The following HECW1 variants were observed in gnomAD, a reference collection of about 807,000 sequenced individuals.
HECW1 encodes HECT, C2 and WW domain containing E3 ubiquitin protein ligase 1.
A neutral mutation model predicts 182.3 loss-of-function variants in HECW1; 61 were observed. The ratio of observed to expected loss-of-function variants is 0.33; its 90% CI spans 0.27 to 0.41. The LOEUF (loss-of-function observed/expected upper bound fraction) is 0.41. Ranked by LOEUF, HECW1 falls within the 10% of genes least tolerant of loss-of-function variation. HECW1 has a pLI of 1.00. For missense variants in HECW1, 1,739 were observed against 2,108.9 expected (o/e 0.82, Z 3.44); for synonymous variants, 859 against 832.6 (o/e 1.03, Z -0.55).
intron 2 of HECW1, among the ~76,000 whole-genome samples, chr7:43,131,181 G>T (rs758089747): frequency 5.9e-5 from 9 of 152,190 alleles, no homozygotes; most frequent in Non-Finnish European, 8.8e-5. Context: ...CAGGAGAATT[G>T]CTTGAACCCA....
intron 9 of HECW1, 161 bp downstream of exon 9, chr7:43,438,306 A>C: frequency 1.7e-6 from 1 of 590,316 alleles, no homozygotes; most frequent in Non-Finnish European, 2.9e-6. Context: ...GAGCCAACAT[A>C]AGTGTTTGTT....
At chr7:43,299,923 A>G (rs1056971121) in intron 3 of HECW1, among the ~76,000 whole-genome samples, 3 of 152,212 alleles carry the variant, frequency 2.0e-5, no homozygotes, top group African/African-American at 4.8e-5. Flanking sequence ...TATGCCACTC[A>G]TCTAGGTCAC....
chr7:43,440,086 G>GGACAC (rs147443047), intron 9 of HECW1: 23,384 of 152,294 alleles, frequency 0.15, 1,960 homozygotes, highest in Middle Eastern at 0.23. Flanking sequence ...TCCCACCGTG[G>GGACAC]TTAGGAGCAG....
intron 2 of HECW1, among the ~76,000 whole-genome samples, chr7:43,213,439 A>ATTT (rs35199868): frequency 6.4e-4 from 59 of 92,468 alleles, no homozygotes; most frequent in Non-Finnish European, 7.1e-4. Context: ...GATCATAAGA[A>ATTT]TTTTTTTTTT....
rs1475922469 is a variant in HECW1, at chr7:43,432,375, G to A, written c.802-5628G>A. 6.6e-6 allele frequency among the ~76,000 whole-genome samples: 1 copy of A among 151,926 alleles called. No individual in the cohort carries two copies. The highest frequency in any genetic ancestry group is 1.5e-5 in the Non-Finnish European group (1 of 67,964). On this transcript the variant is annotated intron_variant, in intron 8 of 29. Transcript: ENST00000395891. The surrounding 1 kb of genome is among the most constrained non-coding windows in gnomAD (Gnocchi z 4.1). Reference sequence around the variant, plus strand: ...GGGATGGTCTCGATCTCCTGACCTCGTGATCCGCCCGCCTCGGCCTCCCAA... The same window carrying A: ...GGGATGGTCTCGATCTCCTGACCTCATGATCCGCCCGCCTCGGCCTCCCAA...
Position 43,129,022 on chromosome 7 carries a change from A to T in HECW1, c.-32+14631A>T, listed in dbSNP as rs370215055. ...TTCTTATGGATGAGCAAGGAAAGTG[A>T]TTTCTTGAGATGAAATCTATTCCTG... On this transcript the variant is annotated intron_variant, in intron 2 of 29. Transcript: ENST00000395891. Among the ~76,000 whole-genome samples the T allele has an allele frequency of 1.2e-3, 185 of 152,322 alleles. 1 individual carries two copies. Among genetic ancestry groups the T allele is most frequent in the African/African-American group, 4.3e-3 (177 of 41,576 alleles).
intron 28 of HECW1, among the ~76,000 whole-genome samples, chr7:43,553,162 GTT>G (rs1462144891): frequency 6.6e-6 from 1 of 152,114 alleles, no homozygotes; most frequent in African/African-American, 2.4e-5. Context: ...CTGAAACATT[GTT>G]TTCATCAGGC....
intron 4 of HECW1, among the ~76,000 whole-genome samples, chr7:43,318,206 C>T (rs182846079): frequency 6.6e-6 from 1 of 152,254 alleles, no homozygotes; most frequent in East Asian, 1.9e-4. Context: ...TGGAGAAATT[C>T]GGGGAAATAC....
chr7:43,488,476 G>GAAAGA (rs1563046575), intron 17 of HECW1, among the ~76,000 whole-genome samples: 1 of 147,506 alleles, frequency 6.8e-6, no homozygotes, highest in Admixed American at 6.7e-5. Context: ...AAGAAAGAAA[G>GAAAGA]AAAGAAAGAA....
intron 5 of HECW1, among the ~76,000 whole-genome samples, chr7:43,358,166 T>C (rs1013471470): frequency 2.6e-5 from 4 of 152,190 alleles, no homozygotes; most frequent in South Asian, 2.1e-4. Flanking sequence ...CCCTCCATGC[T>C]GATCCCACCG....
chr7:43,459,534 G>T (rs984174117), intron 13 of HECW1, among the ~76,000 whole-genome samples: 2 of 151,654 alleles, frequency 1.3e-5, no homozygotes, highest in African/African-American at 4.8e-5. Flanking sequence ...CTACCCCAAG[G>T]ATGATTTAGT....
At chr7:43,289,066 A>G (rs1265922013) in intron 3 of HECW1, among the ~76,000 whole-genome samples, 2 of 151,280 alleles carry the variant, frequency 1.3e-5, no homozygotes, top group African/African-American at 4.9e-5. Flanking sequence ...ATTCCCATCC[A>G]GTGAAAGAAT....
chr7:43,385,897 T>A lies in HECW1; in HGVS notation c.556-10917T>A, dbSNP rs569593012. ...ATGGCTGGATTCTCTGCTCAGTCTATTGCAAGGTAAAATACCTGAAATCAA... is the reference window on the plus strand; with the variant it reads ...ATGGCTGGATTCTCTGCTCAGTCTAATGCAAGGTAAAATACCTGAAATCAA... On this transcript the variant is annotated intron_variant, in intron 6 of 29. Coordinates refer to ENST00000395891, the MANE Select transcript of HECW1 (RefSeq NM_015052.5). 2.0e-5 allele frequency among the ~76,000 whole-genome samples: 3 copies of A among 152,358 alleles called. No homozygotes were observed. The East Asian group carries it at 5.8e-4, about 29-fold the overall frequency.
intron 2 of HECW1, among the ~76,000 whole-genome samples, chr7:43,197,426 T>A (rs1216813082): frequency 6.6e-6 from 1 of 152,138 alleles, no homozygotes; most frequent in Non-Finnish European, 1.5e-5. Flanking sequence ...TGGAGAGGCA[T>A]TGATTAGCCC....
intron 3 of HECW1, among the ~76,000 whole-genome samples, chr7:43,302,648 C>G (rs907176260): frequency 6.6e-6 from 1 of 152,192 alleles, no homozygotes; most frequent in Non-Finnish European, 1.5e-5. Context: ...CTCACAGCAG[C>G]TCCACCTCCC....
At chr7:43,189,914 G>C (rs6958590) in intron 2 of HECW1, among the ~76,000 whole-genome samples, 1 of 151,952 alleles carries the variant, frequency 6.6e-6, no homozygotes, top group African/African-American at 2.4e-5. Context: ...TTTGAATCTC[G>C]GGGCTTTTTG....
rs1239022518 is a variant in HECW1, at chr7:43,562,917, AGAT to A, written c.*995_*997del. ...CTTCACAAAGGAAAAAAAAATGTGT[AGAT>A]GATACCATGACTTTTGTTAAAGCCA... On this transcript the variant is annotated 3_prime_UTR_variant, in exon 30 of 30. Transcript: ENST00000395891. The A allele has an allele frequency of 4.6e-6, 1 of 215,436 alleles. No homozygotes were observed. The highest frequency in any genetic ancestry group is 2.3e-5 in the African/African-American group (1 of 44,342). 13.3% of individuals were successfully genotyped at this position (215,436 alleles called of 1,614,324 possible).
At chr7:43,153,942 G>T (rs547961544) in intron 2 of HECW1, among the ~76,000 whole-genome samples, 1 of 151,978 alleles carries the variant, frequency 6.6e-6, no homozygotes, top group Non-Finnish European at 1.5e-5. Context: ...ACTTTTTGAA[G>T]ATTGTAATTT....
At chr7:43,242,820 G>A (rs749084496) in intron 2 of HECW1, among the ~76,000 whole-genome samples, 3 of 152,150 alleles carry the variant, frequency 2.0e-5, no homozygotes, top group South Asian at 2.1e-4. Flanking sequence ...GGCAGGGAGC[G>A]GGAAGGAGCA....
Sources: gnomAD v4.1 joint callset for allele counts (sites outside exome capture counted in the v4.1 genomes callset) on GRCh38, gnomAD v4.1.1 for gene constraint, Gnocchi (gnomAD v3.1) non-coding constraint, MANE v1.5 for transcripts, NCBI Gene and HGNC (gene_info 2026-07-23, HGNC 2026-07-21) for gene names.